The following EBF3 variants were observed in gnomAD, a reference collection of about 807,000 sequenced individuals.
EBF3 encodes transcription factor COE3.
Under a neutral mutation model 77.1 loss-of-function variants are expected in EBF3, and 18 were observed. The observed-to-expected ratio is 0.23, with a 90% CI of 0.16 to 0.35. EBF3 has a LOEUF of 0.35. Among genes scored for constraint, EBF3 ranks in the 10% least tolerant of loss-of-function variants. The probability of loss-of-function intolerance (pLI) is 1.00; values close to 1 mark genes in which losing one functional copy is unlikely to be tolerated. For missense variants in EBF3, 558 were observed against 860.0 expected (o/e 0.65, Z 4.39); for synonymous variants, 350 against 343.5 (o/e 1.02, Z -0.21).
chr10:129,843,307 A>C, intron 11 of EBF3, 105 bp from the exon 12 acceptor site: 1 of 1,222,176 alleles, frequency 8.2e-7, no homozygotes, highest in Non-Finnish European at 1.2e-6. Context: ...GTCCCCACCC[A>C]CAGCGACCCG....
At chr10:129,949,675 C>T (rs1000848651) in intron 6 of EBF3, among the ~76,000 whole-genome samples, 3 of 152,242 alleles carry the variant, frequency 2.0e-5, no homozygotes, top group Admixed American at 6.5e-5. Context: ...CCAGCCCAGG[C>T]ACAGGCCTCC....
At chr10:129,873,650 CCT>C (rs1242502783) in intron 7 of EBF3, 54 bp from the exon 8 acceptor site, 74 of 1,437,368 alleles carry the variant, frequency 5.1e-5, no homozygotes, top group African/African-American at 2.6e-4. Flanking sequence ...AGCAGAGCCC[CCT>C]GTTAGGCAAA....
chr10:129,898,141 C>T (rs929506030), intron 6 of EBF3, among the ~76,000 whole-genome samples: 1 of 152,244 alleles, frequency 6.6e-6, no homozygotes, highest in Non-Finnish European at 1.5e-5. Context: ...ATTAAACGAT[C>T]ATGTTTCAAA....
chr10:129,886,644 T>C (rs1853607559), intron 6 of EBF3, among the ~76,000 whole-genome samples: 2 of 152,278 alleles, frequency 1.3e-5, no homozygotes, highest in South Asian at 4.1e-4. Flanking sequence ...CTCTGGTATG[T>C]GGGAATTTTT....
At chr10:129,892,150 G>T (rs1282950402) in intron 6 of EBF3, among the ~76,000 whole-genome samples, 2 of 152,212 alleles carry the variant, frequency 1.3e-5, no homozygotes, top group Admixed American at 1.3e-4. Context: ...ATGATCCCGG[G>T]TCTCTCCCCG....
intron 6 of EBF3, among the ~76,000 whole-genome samples, chr10:129,883,489 G>A (rs2134158092): frequency 6.6e-6 from 1 of 152,302 alleles, no homozygotes; most frequent in South Asian, 2.1e-4. Context: ...AAGGCAGAGA[G>A]CTCTTAATAA....
intron 6 of EBF3, among the ~76,000 whole-genome samples, chr10:129,945,627 T>A (rs1858149263): frequency 1.3e-5 from 2 of 152,196 alleles, no homozygotes; most frequent in Admixed American, 6.5e-5. Context: ...AGCTCTCTCT[T>A]ATCTCTGTAA....
At position 129,870,360 on chromosome 10, in the gene EBF3, T is replaced by C. The variant is rs1233320344; in HGVS notation, c.782-2448A>G. Among the ~76,000 whole-genome samples the C allele has an allele frequency of 6.6e-6, 1 of 152,102 alleles. No homozygotes were observed. Among genetic ancestry groups the C allele is most frequent in the African/African-American group, 2.4e-5 (1 of 41,428 alleles). On this transcript the variant is annotated intron_variant, in intron 8 of 16. Transcript: ENST00000440978. The surrounding 1 kb of genome is among the most constrained non-coding windows in gnomAD (Gnocchi z 4.4). Reference sequence around the variant, plus strand: ...AGGAGCTGGGCCCGGCAGCTGAAGATGGCAGAGGAGGAGCAGGGAAGCAGT... The same window carrying C: ...AGGAGCTGGGCCCGGCAGCTGAAGACGGCAGAGGAGGAGCAGGGAAGCAGT...
In EBF3 at chr10:129,837,869, A is replaced by G; in HGVS notation, c.*74T>C. 3 of 1,606,292 alleles carry G rather than the reference A, an allele frequency of 1.9e-6. No individual in the cohort carries two copies. Among genetic ancestry groups the G allele is most frequent in the Non-Finnish European group, 2.6e-6 (3 of 1,173,162 alleles). ...CCATCAGCATGTCTTAATATACTAA[A>G]CGTGTCCCCTGAAGTCCGTCCTTTG... On this transcript the variant is annotated 3_prime_UTR_variant, in exon 17 of 17. Transcript: ENST00000440978.
chr10:129,901,780 G>C (rs1854799473), intron 6 of EBF3, among the ~76,000 whole-genome samples: 1 of 152,172 alleles, frequency 6.6e-6, no homozygotes, highest in Non-Finnish European at 1.5e-5. Flanking sequence ...CCTCGGTACA[G>C]TTTGCTCTGG....
chr10:129,891,098 T>C (rs1480628251), intron 6 of EBF3, among the ~76,000 whole-genome samples: 1 of 152,170 alleles, frequency 6.6e-6, no homozygotes, highest in African/African-American at 2.4e-5. Context: ...AAAATGAGCA[T>C]CTAAATGGAA....
rs188943892 is a variant in EBF3 at position 129,885,320 on chromosome 10, G to A, written c.555-7471C>T. 5.3e-5 allele frequency among the ~76,000 whole-genome samples: 8 copies of A among 152,196 alleles called. No individual in the cohort carries two copies. Among genetic ancestry groups the A allele is most frequent in the African/African-American group, 1.4e-4 (6 of 41,520 alleles). ...TGTATGACTCGCATTAAACTTTTCC[G>A]GGTGGTTTTAATGTGTTCAGATAAG... On this transcript the variant is annotated intron_variant, in intron 6 of 16. Coordinates refer to ENST00000440978, the MANE Select transcript of EBF3 (RefSeq NM_001375380.1). The surrounding 1 kb of genome is among the most constrained non-coding windows in gnomAD (Gnocchi z 4.0).
intron 6 of EBF3, among the ~76,000 whole-genome samples, chr10:129,949,255 C>T (rs1206874665): frequency 6.6e-6 from 1 of 152,314 alleles, no homozygotes; most frequent in East Asian, 1.9e-4. Context: ...GAGCCGAGAT[C>T]GTGCCATTGT....
intron 11 of EBF3, among the ~76,000 whole-genome samples, chr10:129,846,509 T>A (rs1274036987): frequency 2.0e-5 from 3 of 151,682 alleles, no homozygotes; most frequent in African/African-American, 7.3e-5. Context: ...TTTCTCTGTC[T>A]CTCTGCTTGT....
chr10:129,918,976 C>T (rs1447320202), intron 6 of EBF3, among the ~76,000 whole-genome samples: 3 of 152,162 alleles, frequency 2.0e-5, no homozygotes, highest in Non-Finnish European at 2.9e-5. Flanking sequence ...CTTCCCCAGC[C>T]GGGCTTACCA....
At chr10:129,905,072 G>A (rs1855046406) in intron 6 of EBF3, among the ~76,000 whole-genome samples, 1 of 152,246 alleles carries the variant, frequency 6.6e-6, no homozygotes, top group South Asian at 2.1e-4. Context: ...GTGCCCTCTA[G>A]GGTGAGGTGA....
chr10:129,895,334 C>T (rs535586761), intron 6 of EBF3, among the ~76,000 whole-genome samples: 9 of 152,306 alleles, frequency 5.9e-5, no homozygotes, highest in East Asian at 3.9e-4. Flanking sequence ...AGGGAGTGGA[C>T]GGGGAAGGAG....
intron 6 of EBF3, among the ~76,000 whole-genome samples, chr10:129,956,629 G>A (rs951758509): frequency 7.2e-5 from 11 of 152,196 alleles, no homozygotes; most frequent in African/African-American, 2.7e-4. Flanking sequence ...AAGATGAAGA[G>A]CAGCAAATGT....
intron 6 of EBF3, among the ~76,000 whole-genome samples, chr10:129,882,157 T>C (rs1853255069): frequency 6.6e-6 from 1 of 152,290 alleles, no homozygotes; most frequent in African/African-American, 2.4e-5. Context: ...TTTACTTTTA[T>C]GAAGCTGATT....
Sources: gnomAD v4.1 joint callset for allele counts (sites outside exome capture counted in the v4.1 genomes callset) on GRCh38, gnomAD v4.1.1 for gene constraint, Gnocchi (gnomAD v3.1) non-coding constraint, MANE v1.5 for transcripts, NCBI Gene and HGNC (gene_info 2026-07-23, HGNC 2026-07-21) for gene names.